Variants in DCAF8L2 observed in about 807,000 individuals in gnomAD.
The protein encoded by DCAF8L2 is DDB1 and CUL4 associated factor 8 like 2, also known as DDB1- and CUL4-associated factor 8-like protein 2.
For synonymous variants in DCAF8L2, 200 were observed against 190.9 expected, an observed-to-expected ratio of 1.05 and a Z score of -0.39; for missense variants, 430 against 490.7, an observed-to-expected ratio of 0.88 and a Z score of 1.17.
intron 4 of DCAF8L2, among the ~76,000 whole-genome samples, chrX:27,729,646 C>T (rs1921072017): frequency 8.9e-6 from 1 of 111,859 alleles, no homozygotes; most frequent in African/African-American, 3.3e-5. Flanking sequence ...TATTTTCTAT[C>T]TCAGTTCTCA....
At chrX:27,703,734 C>T (rs1402937690) in intron 3 of DCAF8L2, among the ~76,000 whole-genome samples, 3 of 108,462 alleles carry the variant, frequency 2.8e-5, no homozygotes, top group Admixed American at 9.8e-5. Context: ...CAAAATGCAT[C>T]ATACACATAA....
At chrX:27,582,852 A>G in the DCAF8L2 span, among the ~76,000 whole-genome samples, 1 of 110,939 alleles carries the variant, frequency 9.0e-6, no homozygotes, top group African/African-American at 3.3e-5. Context: ...TGATATCAAC[A>G]TGGTTATGTT....
rs34605340 is a variant in DCAF8L2, at chrX:27,704,154, G to GTATA, written c.-142-11917_-142-11914dup. 3.5e-3 allele frequency among the ~76,000 whole-genome samples: 270 copies of GTATA among 76,145 alleles called. 9 individuals are homozygous for GTATA. The highest frequency in any genetic ancestry group is 4.9e-3 in the African/African-American group (73 of 14,997). 66.1% of individuals were successfully genotyped at this position (76,145 alleles called of 115,157 possible). A position where few individuals can be genotyped will look rare whatever the true frequency, so the allele number is the denominator to read the frequency against. ...CTTGGTTATTGTGAATAGTGCTGCA[G>GTATA]TATATATATATATATATATACATAT... On this transcript the variant is annotated intron_variant, in intron 3 of 4. Transcript: ENST00000451261.
the DCAF8L2 span, among the ~76,000 whole-genome samples, chrX:27,564,853 A>T: frequency 1.8e-5 from 2 of 109,785 alleles, no homozygotes; most frequent in African/African-American, 6.6e-5. Flanking sequence ...GTGATTTTAA[A>T]AAAAAATTTT....
rs1922395121 is a variant in DCAF8L2, at chrX:27,748,477, T to C, written c.1582T>C (p.Leu528=). 5 of 1,208,200 alleles carry C rather than the reference T, an allele frequency of 4.1e-6. No individual in the cohort carries two copies. The African/African-American group carries it at 8.8e-5, about 21-fold the overall frequency. ...TGAACCCCACCCTTACCTACCTGTG[T>C]TGGCGTGCAGTGGCCTAGATCATGA... ...CLEPHPYLPV[L]ACSGLDHDVK... is the part of the protein sequence containing the mutation. The change falls in exon 5 of 5, where the codon TTG becomes CTG. Residue 528 remains leucine (L), a synonymous_variant. Transcript: ENST00000451261.
At chrX:27,525,924 G>T in the DCAF8L2 span, among the ~76,000 whole-genome samples, 2 of 111,725 alleles carry the variant, frequency 1.8e-5, no homozygotes, top group African/African-American at 3.3e-5. Flanking sequence ...TCCCTTTGTG[G>T]GTAACCCGAC....
intron 2 of DCAF8L2, among the ~76,000 whole-genome samples, chrX:27,673,038 C>T (rs1217242514): frequency 1.8e-5 from 2 of 110,831 alleles, no homozygotes; most frequent in Non-Finnish European, 3.8e-5. Flanking sequence ...CTTTATCATC[C>T]CAACCCCACC....
chrX:27,552,736 T>C, the DCAF8L2 span, among the ~76,000 whole-genome samples: 1 of 111,946 alleles, frequency 8.9e-6, no homozygotes, highest in Admixed American at 9.5e-5. Flanking sequence ...GCATGATGCT[T>C]CCAGCTTTGT....
At chrX:27,601,043 T>A (rs1276038979) in intron 1 of DCAF8L2, among the ~76,000 whole-genome samples, 1 of 110,177 alleles carries the variant, frequency 9.1e-6, no homozygotes, top group Admixed American at 9.7e-5. Context: ...GCTCAAGCAA[T>A]CCTCCCACCT....
the DCAF8L2 span, among the ~76,000 whole-genome samples, chrX:27,492,485 T>C: frequency 3.7e-5 from 4 of 107,953 alleles, no homozygotes; most frequent in African/African-American, 1.0e-4. Context: ...TTCTTTCTTT[T>C]TTTTTTTTTT....
At chrX:27,564,020 T>TTA in the DCAF8L2 span, among the ~76,000 whole-genome samples, 1 of 112,204 alleles carries the variant, frequency 8.9e-6, no homozygotes, top group Non-Finnish European at 1.9e-5. Context: ...TTTGTGCATA[T>TTA]GTATTAGTCC....
At chrX:27,549,105 T>A in the DCAF8L2 span, among the ~76,000 whole-genome samples, 1 of 112,077 alleles carries the variant, frequency 8.9e-6, no homozygotes, top group East Asian at 2.8e-4. Flanking sequence ...CACAGGTAAG[T>A]ATTTTTATTG....
chrX:27,512,981 A>G, the DCAF8L2 span, among the ~76,000 whole-genome samples: 1 of 110,666 alleles, frequency 9.0e-6, no homozygotes, highest in South Asian at 3.8e-4. Flanking sequence ...AATGCCAATA[A>G]CAGACATGGA....
chrX:27,731,565 T>C (rs955064622), intron 4 of DCAF8L2, among the ~76,000 whole-genome samples: 2 of 110,703 alleles, frequency 1.8e-5, no homozygotes, highest in African/African-American at 6.6e-5. Context: ...ATATCCTTGG[T>C]CTCCTTCTTT....
At chrX:27,536,536 T>C in the DCAF8L2 span, among the ~76,000 whole-genome samples, 2 of 112,363 alleles carry the variant, frequency 1.8e-5, no homozygotes, top group Non-Finnish European at 3.8e-5. Context: ...AGAACTTTAC[T>C]CCTTAGTTCA....
chrX:27,632,433 G>A (rs928456793), intron 2 of DCAF8L2: 2 of 111,000 alleles, frequency 1.8e-5, no homozygotes, highest in Non-Finnish European at 3.8e-5. Flanking sequence ...GGTTTACCAT[G>A]GCCTGCAAGA....
At chrX:27,482,275 T>A in the DCAF8L2 span, among the ~76,000 whole-genome samples, 1 of 111,598 alleles carries the variant, frequency 9.0e-6, no homozygotes, top group African/African-American at 3.2e-5. Flanking sequence ...TATGTTAAAA[T>A]TTTGGTATGA....
intron 3 of DCAF8L2, among the ~76,000 whole-genome samples, chrX:27,699,049 A>T (rs1410285652): frequency 8.9e-6 from 1 of 111,958 alleles, no homozygotes; most frequent in Non-Finnish European, 1.9e-5. Context: ...AGCCATGGTG[A>T]TTATATTATA....
intron 4 of DCAF8L2, among the ~76,000 whole-genome samples, chrX:27,728,145 G>A (rs944907607): frequency 9.0e-6 from 1 of 111,323 alleles, no homozygotes; most frequent in Non-Finnish European, 1.9e-5. Flanking sequence ...CAGAACTGCC[G>A]ATGAGTTAAT....
Sources: allele counts gnomAD v4.1 joint callset (sites outside exome capture counted in the v4.1 genomes callset), GRCh38; gene constraint gnomAD v4.1.1; transcripts MANE v1.5; gene names NCBI Gene and HGNC (gene_info 2026-07-23, HGNC 2026-07-21).